TACC1: variants seen among roughly 807,000 people sequenced by gnomAD.
TACC1 encodes transforming acidic coiled-coil-containing protein 1.
Under a neutral mutation model 84.4 loss-of-function variants are expected in TACC1, and 48 were observed. The ratio of observed to expected loss-of-function variants is 0.57; its 90% CI spans 0.45 to 0.72. The LOEUF is 0.72. TACC1 is among the 30% of genes least tolerant of loss of function. The pLI is 0.00. For synonymous variants in TACC1, 372 were observed against 376.3 expected (o/e 0.99, Z 0.13); for missense variants, 920 against 973.0 (o/e 0.95, Z 0.72).
chr8:38,844,590 C>A (rs946943839), intron 11 of TACC1, among the ~76,000 whole-genome samples: 2 of 152,164 alleles, frequency 1.3e-5, no homozygotes, highest in African/African-American at 4.8e-5. Flanking sequence ...TTACTCTATT[C>A]TTTGCCCATT....
At chr8:38,818,110 C>G (rs1231318851) in intron 2 of TACC1, among the ~76,000 whole-genome samples, 2 of 151,692 alleles carry the variant, frequency 1.3e-5, no homozygotes, top group Non-Finnish European at 2.9e-5. Context: ...TGGCTCATGA[C>G]TGTGGTCCCG....
intron 2 of TACC1, among the ~76,000 whole-genome samples, chr8:38,816,936 T>C (rs947119271): frequency 6.6e-6 from 1 of 152,172 alleles, no homozygotes; most frequent in East Asian, 1.9e-4. Context: ...AATCTTGGCT[T>C]GGTCTTTCTG....
chr8:38,747,717 CAT>C (rs1460587469), intron 3 of TACC1, among the ~76,000 whole-genome samples: 1 of 152,124 alleles, frequency 6.6e-6, no homozygotes, highest in East Asian at 1.9e-4. Flanking sequence ...ATAGATGAAA[CAT>C]AGAAGATTTT....
intron 6 of TACC1, 140 bp from the exon 7 acceptor site, chr8:38,836,022 A>T: frequency 8.7e-7 from 1 of 1,152,398 alleles, no homozygotes; most frequent in Non-Finnish European, 1.2e-6. Context: ...TTTGTTTTTT[A>T]AAAAGCTTCC....
In TACC1 at chr8:38,819,715, G is replaced by C. The variant is rs754437905; in HGVS notation, c.471G>C (p.Lys157Asn). ...TGAGGCCATTTTCAATAGAAACGAA[G>C]GATTCCACGGATATCTCGGCAGTCC... ...SIVRPFSIET[K>N]DSTDISAVLG... The change falls in exon 3 of 13, where the codon AAG becomes AAC. Residue 157 changes from lysine (K) to asparagine (N), a missense_variant. This residue lies in a region of TACC1 where 762 missense variants were observed against 747.3 expected (regional missense o/e 1.02). Coordinates refer to ENST00000317827, the MANE Select transcript of TACC1 (RefSeq NM_006283.3). The C allele has an allele frequency of 1.9e-6, 3 of 1,614,130 alleles. No homozygotes were observed. In the East Asian group the frequency reaches 6.7e-5, roughly 36 times the overall value.
At chr8:38,793,601 A>G (rs1399657420) in intron 2 of TACC1, among the ~76,000 whole-genome samples, 1 of 152,088 alleles carries the variant, frequency 6.6e-6, no homozygotes, top group Non-Finnish European at 1.5e-5. Flanking sequence ...ATCAAGTTAT[A>G]TATATATGAA....
rs1833108837 is a variant in TACC1 at position 38,851,704 on chromosome 8, G to A, written c.*3681G>A. The A allele has an allele frequency of 6.4e-6, 2 of 310,632 alleles. No individual in the cohort carries two copies. The highest frequency in any genetic ancestry group is 5.4e-5 in the South Asian group (2 of 36,934). 19.2% of individuals were successfully genotyped at this position (310,632 alleles called of 1,614,324 possible). A position where few individuals can be genotyped will look rare whatever the true frequency, so the allele number is the denominator to read the frequency against. On this transcript the variant is annotated 3_prime_UTR_variant, in exon 13 of 13. Transcript: ENST00000317827. ...TGACTTGCATTTCTGACTTTATCCT[G>A]TTGTTAGGAAGATAGAAACTAGGTT... is the stretch of plus-strand genomic sequence containing the variant.
intron 9 of TACC1, among the ~76,000 whole-genome samples, chr8:38,841,425 T>C (rs1563958224): frequency 6.6e-6 from 1 of 152,184 alleles, no homozygotes; most frequent in Non-Finnish European, 1.5e-5. Flanking sequence ...AACACTTGTT[T>C]ATAGAATGAA....
rs779258522 is a variant in TACC1, at chr8:38,827,352, A to G, written c.1637A>G (p.His546Arg). Residue 546 changes from histidine (H) to arginine (R), a missense_variant, in exon 5 of 13, where the codon CAT becomes CGT. Transcript: ENST00000317827. ...AATGTTCCTGTGTCTACCATAAATCATGCGTTTTCATCCTCAGAAGCAGGT... is the reference window on the plus strand; with the variant it reads ...AATGTTCCTGTGTCTACCATAAATCGTGCGTTTTCATCCTCAGAAGCAGGT... ...CSNVPVSTIN[H>R]AFSSSEAGIE... The G allele has an allele frequency of 3.7e-6, 6 of 1,614,080 alleles. No homozygotes were observed. The highest frequency in any genetic ancestry group is 1.6e-4 in the Middle Eastern group (1 of 6,084).
chr8:38,806,376 A>G (rs1587847777), intron 2 of TACC1, among the ~76,000 whole-genome samples: 1 of 152,066 alleles, frequency 6.6e-6, no homozygotes, highest in Non-Finnish European at 1.5e-5. Context: ...AATGAAGAGA[A>G]ATTGGATGAA....
chr8:38,848,288 G>A lies in TACC1; in HGVS notation c.*265G>A. The A allele has an allele frequency of 3.1e-6, 1 of 319,262 alleles. No homozygotes were observed. The allele number at this position is 319,262 out of a possible 1,614,324, so 19.8% of individuals were successfully genotyped here. A position where few individuals can be genotyped will look rare whatever the true frequency, so the allele number is the denominator to read the frequency against. ...CCCCCTATGAAGGTTCCCTTAGGCT[G>A]CTGAGTTTGGGTTTGTGATTTATCT... On this transcript the variant is annotated 3_prime_UTR_variant, in exon 13 of 13. Transcript: ENST00000317827.
At chr8:38,836,046 T>A in intron 6 of TACC1, 116 bp from the exon 7 acceptor site, 1 of 1,416,792 alleles carries the variant, frequency 7.1e-7, no homozygotes, top group Non-Finnish European at 9.5e-7. Flanking sequence ...CGCTGACTTT[T>A]CTTTAAACAT....
upstream of TACC1, among the ~76,000 whole-genome samples, chr8:38,782,335 A>T (rs922132238): frequency 5.3e-5 from 8 of 152,118 alleles, no homozygotes; most frequent in Non-Finnish European, 1.2e-4. Flanking sequence ...CCATGTCCCT[A>T]CAAAGGATAT....
intron 3 of TACC1, among the ~76,000 whole-genome samples, chr8:38,750,755 C>T (rs1808882141): frequency 6.6e-6 from 1 of 152,142 alleles, no homozygotes; most frequent in African/African-American, 2.4e-5. Flanking sequence ...CATGTATGAC[C>T]TGTAGGCTGA....
chr8:38,764,961 T>C (rs747449381), intron 3 of TACC1, among the ~76,000 whole-genome samples: 7 of 152,062 alleles, frequency 4.6e-5, no homozygotes, highest in Non-Finnish European at 8.8e-5. Context: ...TAGCCAGGCA[T>C]GGTGGCAGGA....
At chr8:38,843,554 A>G in intron 11 of TACC1, 159 bp downstream of exon 11, 1 of 449,664 alleles carries the variant, frequency 2.2e-6, no homozygotes, top group Non-Finnish European at 3.9e-6. Context: ...ATTAAAAAGT[A>G]AAAAAAGGTA....
At position 38,787,681 on chromosome 8, in the gene TACC1, C is replaced by T; in HGVS notation, c.99C>T (p.Gly33=). Residue 33 remains glycine (G), a synonymous_variant, in exon 1 of 13, where the codon GGC becomes GGT. Transcript: ENST00000317827. ...GGGCCGCCGGCGAGGACGAGGCTGG[C>T]GGGCCCGAGGGCGACCCCGAGGAGG... ...RGGAAGEDEA[G]GPEGDPEEED... is the part of the protein sequence containing the mutation. The T allele has an allele frequency of 2.6e-6, 4 of 1,545,564 alleles. No homozygotes were observed. The highest frequency in any genetic ancestry group is 2.4e-5 in the East Asian group (1 of 41,058).
intron 3 of TACC1, among the ~76,000 whole-genome samples, chr8:38,781,274 G>A (rs1477834767): frequency 1.3e-5 from 2 of 152,028 alleles, no homozygotes; most frequent in African/African-American, 2.4e-5. Flanking sequence ...TGGGCTATAT[G>A]ATTAATGTTC....
At chr8:38,774,733 C>A (rs1214040236) in intron 3 of TACC1, among the ~76,000 whole-genome samples, 1 of 152,122 alleles carries the variant, frequency 6.6e-6, no homozygotes, top group Non-Finnish European at 1.5e-5. Flanking sequence ...TTTTTAAAGG[C>A]CAGCCACGGT....
Sources: allele counts gnomAD v4.1 joint callset (sites outside exome capture counted in the v4.1 genomes callset), GRCh38; gene constraint gnomAD v4.1.1; regional missense constraint gnomAD v4.1.1; transcripts MANE v1.5; gene names NCBI Gene and HGNC (gene_info 2026-07-23, HGNC 2026-07-21).